KHDRBS2: variants seen among roughly 807,000 people sequenced by gnomAD.
The protein encoded by KHDRBS2 is KH RNA binding domain containing, signal transduction associated 2, also known as KH domain-containing, RNA-binding, signal transduction-associated protein 2.
KHDRBS2 carries 26 observed loss-of-function variants against 44.3 expected under a neutral mutation model. The ratio of observed to expected loss-of-function variants is 0.59; its 90% CI spans 0.43 to 0.81. The LOEUF is 0.81. Ranked by LOEUF, KHDRBS2 falls within the 40% of genes least tolerant of loss-of-function variation. The pLI is 0.00. For missense variants in KHDRBS2, 476 were observed against 433.1 expected (o/e 1.10, Z -0.88); for synonymous variants, 194 against 151.1 (o/e 1.28, Z -2.08).
chr6:61,976,762 T>G (rs1416871291), intron 4 of KHDRBS2, among the ~76,000 whole-genome samples: 3 of 152,196 alleles, frequency 2.0e-5, no homozygotes, highest in African/African-American at 7.2e-5. Flanking sequence ...AGTCTCATTT[T>G]TATACTATGT....
At position 62,097,171 on chromosome 6, in the gene KHDRBS2, T is replaced by C. The variant is rs560256984; in HGVS notation, c.220-49177A>G. Among the ~76,000 whole-genome samples the C allele has an allele frequency of 2.6e-5, 4 of 152,018 alleles. No homozygotes were observed. The South Asian group carries it at 6.2e-4, about 24-fold the overall frequency. On this transcript the variant is annotated intron_variant, in intron 2 of 8. Transcript: ENST00000281156. ...CCATATGACCTAACCCGGAGACTAT[T>C]TCATGTGCTGTTGAGTAGAGTGCGT...
intron 1 of KHDRBS2, among the ~76,000 whole-genome samples, chr6:62,270,525 A>G (rs1007419): frequency 0.5 from 75,402 of 151,566 alleles, 21,068 homozygotes; most frequent in Non-Finnish European, 0.62. Context: ...CCTTTATAAC[A>G]ATACAAAAAA....
At chr6:62,254,646 A>T (rs961521008) in intron 1 of KHDRBS2, among the ~76,000 whole-genome samples, 1 of 152,014 alleles carries the variant, frequency 6.6e-6, no homozygotes, top group African/African-American at 2.4e-5. Context: ...GCAAGAAAGG[A>T]AACCCACACT....
chr6:61,899,003 A>G (rs529093760), intron 5 of KHDRBS2, among the ~76,000 whole-genome samples: 1 of 152,058 alleles, frequency 6.6e-6, no homozygotes, highest in Non-Finnish European at 1.5e-5. Flanking sequence ...GACAAACCAA[A>G]CTAACATAAA....
At chr6:62,280,772 G>A (rs1027046107) in intron 1 of KHDRBS2, among the ~76,000 whole-genome samples, 8 of 152,128 alleles carry the variant, frequency 5.3e-5, no homozygotes, top group Non-Finnish European at 7.3e-5. Flanking sequence ...AGAAAGAGTC[G>A]ATCGGGAGAA....
chr6:61,950,298 G>A (rs778341883), intron 4 of KHDRBS2, among the ~76,000 whole-genome samples: 6 of 152,022 alleles, frequency 3.9e-5, no homozygotes, highest in East Asian at 1.9e-4. Context: ...TATTACTTTG[G>A]TGTAAATGAT....
the KHDRBS2 span, among the ~76,000 whole-genome samples, chr6:61,564,898 CAG>C: frequency 0.011 from 1,627 of 152,148 alleles, 28 homozygotes; most frequent in African/African-American, 0.038. Context: ...AATTATACTA[CAG>C]AGTTTAGTAA....
At chr6:62,215,619 C>T (rs1829853201) in intron 1 of KHDRBS2, among the ~76,000 whole-genome samples, 2 of 151,728 alleles carry the variant, frequency 1.3e-5, no homozygotes, top group African/African-American at 4.8e-5. Context: ...ATAATTACTT[C>T]CTTAGGTTAT....
intron 1 of KHDRBS2, among the ~76,000 whole-genome samples, chr6:62,193,519 AT>A (rs1825025914): frequency 6.6e-6 from 1 of 152,082 alleles, no homozygotes; most frequent in African/African-American, 2.4e-5. Flanking sequence ...ATTTGTGGTG[AT>A]TTTTAATCTC....
chr6:62,221,556 C>T (rs981141598), intron 1 of KHDRBS2, among the ~76,000 whole-genome samples: 1 of 151,990 alleles, frequency 6.6e-6, no homozygotes, highest in Admixed American at 6.6e-5. Context: ...TATCTGATAA[C>T]ACCAACTTAT....
chr6:62,103,908 C>T (rs1409277630), intron 2 of KHDRBS2, among the ~76,000 whole-genome samples: 1 of 151,982 alleles, frequency 6.6e-6, no homozygotes, highest in Non-Finnish European at 1.5e-5. Flanking sequence ...TCATTTTAGA[C>T]ACAAAAGCAG....
chr6:61,672,031 G>A, the KHDRBS2 span, among the ~76,000 whole-genome samples: 61 of 142,630 alleles, frequency 4.3e-4, no homozygotes, highest in Non-Finnish European at 7.9e-4. Flanking sequence ...AGAGTGTGAT[G>A]TTCCCCTTCC....
chr6:61,566,001 G>GTC, the KHDRBS2 span, among the ~76,000 whole-genome samples: 79 of 10,652 alleles, frequency 7.4e-3, no homozygotes, highest in African/African-American at 0.017. Context: ...AAAATGTGGT[G>GTC]TGTGTGTGTG....
At chr6:61,893,865 T>C (rs1397693442) in intron 6 of KHDRBS2, among the ~76,000 whole-genome samples, 2 of 152,038 alleles carry the variant, frequency 1.3e-5, no homozygotes, top group Non-Finnish European at 2.9e-5. Flanking sequence ...AACCTGCACG[T>C]TGTGCACATG....
the KHDRBS2 span, among the ~76,000 whole-genome samples, chr6:61,580,014 G>T: frequency 6.6e-6 from 1 of 152,138 alleles, no homozygotes; most frequent in African/African-American, 2.4e-5. Context: ...CCCAGATCAA[G>T]CCATCGCACT....
intron 1 of KHDRBS2, among the ~76,000 whole-genome samples, chr6:62,181,503 C>T (rs1822294831): frequency 6.6e-6 from 1 of 151,976 alleles, no homozygotes; most frequent in Non-Finnish European, 1.5e-5. Flanking sequence ...ATTATTACTT[C>T]ACACCTGTTA....
intron 6 of KHDRBS2, among the ~76,000 whole-genome samples, chr6:61,861,553 A>G (rs991022932): frequency 4.0e-5 from 6 of 151,260 alleles, no homozygotes; most frequent in Non-Finnish European, 3.0e-5. Context: ...TGCGTTCTCT[A>G]TTCTGTTCCA....
At chr6:62,202,597 A>G (rs1324209698) in intron 1 of KHDRBS2, among the ~76,000 whole-genome samples, 1 of 152,044 alleles carries the variant, frequency 6.6e-6, no homozygotes, top group Non-Finnish European at 1.5e-5. Context: ...GTCTACTGTT[A>G]TGTGGTATTC....
intron 6 of KHDRBS2, among the ~76,000 whole-genome samples, chr6:61,782,317 GTT>G (rs1374655285): frequency 2.0e-5 from 3 of 151,982 alleles, no homozygotes; most frequent in Non-Finnish European, 4.4e-5. Flanking sequence ...CACTTCATGG[GTT>G]TAAGATCAAC....
Sources: gnomAD v4.1 joint callset for allele counts (sites outside exome capture counted in the v4.1 genomes callset) on GRCh38, gnomAD v4.1.1 for gene constraint, MANE v1.5 for transcripts, NCBI Gene and HGNC (gene_info 2026-07-23, HGNC 2026-07-21) for gene names.